Variants in TNIK observed in about 807,000 individuals in gnomAD.
TNIK encodes TRAF2 and NCK-interacting protein kinase.
A neutral mutation model predicts 191.3 loss-of-function variants in TNIK; 49 were observed. That is an observed-to-expected ratio of 0.26 (90% CI 0.20 to 0.32). The LOEUF is 0.32. TNIK is among the 10% of genes least tolerant of loss of function. TNIK has a pLI of 1.00. For synonymous variants in TNIK, 594 were observed against 600.9 expected (o/e 0.99, Z 0.17); for missense variants, 1,155 against 1,702.3 (o/e 0.68, Z 5.66).
At chr3:171,424,833 TG>T (rs1283151844) in intron 1 of TNIK, among the ~76,000 whole-genome samples, 2 of 74,802 alleles carry the variant, frequency 2.7e-5, no homozygotes, top group Non-Finnish European at 4.7e-5. Context: ...GGGACTGTTG[TG>T]GGGTGGGGGG....
chr3:171,119,555 A>T (rs959621432), intron 18 of TNIK, among the ~76,000 whole-genome samples: 8 of 152,232 alleles, frequency 5.3e-5, no homozygotes, highest in Non-Finnish European at 8.8e-5. Flanking sequence ...CAAATGTCCA[A>T]CAATGATAGA....
intron 4 of TNIK, among the ~76,000 whole-genome samples, chr3:171,199,266 A>G (rs1739118445): frequency 2.0e-5 from 3 of 151,808 alleles, no homozygotes; most frequent in East Asian, 1.9e-4. Flanking sequence ...CCACACAGCA[A>G]TGCTGATAAT....
chr3:171,340,462 G>T (rs1325666634), intron 2 of TNIK, among the ~76,000 whole-genome samples: 2 of 152,184 alleles, frequency 1.3e-5, no homozygotes, highest in Non-Finnish European at 2.9e-5. Flanking sequence ...GATGAGTGCA[G>T]TTTGAATTTT....
At chr3:171,346,740 G>A (rs1351230104) in intron 2 of TNIK, among the ~76,000 whole-genome samples, 2 of 152,022 alleles carry the variant, frequency 1.3e-5, no homozygotes, top group Admixed American at 6.6e-5. Context: ...GCAGGAATGT[G>A]CAAAGGTCTT....
chr3:171,088,232 T>TTTTTC (rs201000504), intron 23 of TNIK, among the ~76,000 whole-genome samples: 14,554 of 150,318 alleles, frequency 0.097, 786 homozygotes, highest in Middle Eastern at 0.16. Context: ...CCTTTAAAGG[T>TTTTTC]TTTTCTTTTT....
intron 2 of TNIK, among the ~76,000 whole-genome samples, chr3:171,233,030 T>C (rs1052326762): frequency 3.9e-5 from 6 of 152,206 alleles, no homozygotes; most frequent in Non-Finnish European, 8.8e-5. Flanking sequence ...TACTTTCATT[T>C]CTAGGTCACC....
rs16856276 is a variant in TNIK at position 171,398,692 on chromosome 3, C to T, written c.58-29007G>A. ...AGGAATGAAAGGATAACTGTCTATGCAGCCCCATCACCTGGTATGTCACTG... is the reference window on the plus strand; with the variant it reads ...AGGAATGAAAGGATAACTGTCTATGTAGCCCCATCACCTGGTATGTCACTG... On this transcript the variant is annotated intron_variant, in intron 1 of 32. Transcript: ENST00000436636. Among the ~76,000 whole-genome samples the T allele has an allele frequency of 3.2e-3, 486 of 152,308 alleles. 2 individuals are homozygous for T. Among genetic ancestry groups the T allele is most frequent in the African/African-American group, 0.011 (473 of 41,560 alleles).
At chr3:171,213,499 G>A (rs1741104496) in intron 3 of TNIK, among the ~76,000 whole-genome samples, 1 of 152,074 alleles carries the variant, frequency 6.6e-6, no homozygotes, top group African/African-American at 2.4e-5. Flanking sequence ...TTCTTAGCAG[G>A]ATAGTGGGTG....
At chr3:171,368,966 G>C (rs1716126363) in intron 2 of TNIK, among the ~76,000 whole-genome samples, 1 of 148,562 alleles carries the variant, frequency 6.7e-6, no homozygotes, top group Middle Eastern at 3.4e-3. Flanking sequence ...AATCAGAAAA[G>C]GAATCAACTC....
rs760269634 is a variant in TNIK at position 171,082,336 on chromosome 3, T to C, written c.3228A>G (p.Gln1076=). The C allele has an allele frequency of 8.7e-6, 14 of 1,613,780 alleles. No homozygotes were observed. Among genetic ancestry groups the C allele is most frequent in the Non-Finnish European group, 1.2e-5 (14 of 1,179,838 alleles). ...NGLMLLDRSG[Q]GKVYNLINRR... ...GGTTGATCAGATTATAGACTTTGCC[T>C]TGCCCACTTCGGTCCAAAAGCATCA... Residue 1076 remains glutamine (Q), a synonymous_variant, in exon 27 of 33, where the codon CAA becomes CAG. Coordinates refer to ENST00000436636, the MANE Select transcript of TNIK (RefSeq NM_015028.4).
intron 15 of TNIK, among the ~76,000 whole-genome samples, chr3:171,129,736 C>T (rs550740699): frequency 1.3e-5 from 2 of 152,330 alleles, no homozygotes; most frequent in East Asian, 3.9e-4. Flanking sequence ...ACGGGAAATG[C>T]TGAGCCAGTG....
At chr3:171,274,504 G>C (rs1193755441) in intron 2 of TNIK, among the ~76,000 whole-genome samples, 1 of 152,130 alleles carries the variant, frequency 6.6e-6, no homozygotes, top group African/African-American at 2.4e-5. Flanking sequence ...CCAGGAGGGG[G>C]AAGTTAAGAA....
At chr3:171,137,716 A>G (rs1160301131) in intron 15 of TNIK, among the ~76,000 whole-genome samples, 1 of 152,244 alleles carries the variant, frequency 6.6e-6, no homozygotes, top group Non-Finnish European at 1.5e-5. Flanking sequence ...TCTGAGGTCA[A>G]CTGTGCATCT....
intron 2 of TNIK, among the ~76,000 whole-genome samples, chr3:171,248,824 C>T (rs2058434101): frequency 6.6e-6 from 1 of 152,206 alleles, no homozygotes; most frequent in African/African-American, 2.4e-5. Context: ...AACATCACAG[C>T]TGGTTAATGG....
intron 2 of TNIK, among the ~76,000 whole-genome samples, chr3:171,287,827 G>A (rs1751181861): frequency 6.6e-6 from 1 of 152,142 alleles, no homozygotes; most frequent in South Asian, 2.1e-4. Context: ...AACCAGGCTA[G>A]TCATTTCAAA....
chr3:171,336,438 A>G (rs1756958030), intron 2 of TNIK, among the ~76,000 whole-genome samples: 1 of 152,114 alleles, frequency 6.6e-6, no homozygotes. Context: ...AGGGTCTACT[A>G]TATGCTGTTA....
chr3:171,108,683 G>C (rs1210143897), intron 19 of TNIK, among the ~76,000 whole-genome samples: 1 of 152,152 alleles, frequency 6.6e-6, no homozygotes, highest in Non-Finnish European at 1.5e-5. Flanking sequence ...AATCAGGATA[G>C]GTTATTTTGT....
At chr3:171,355,107 G>A (rs1473070442) in intron 2 of TNIK, among the ~76,000 whole-genome samples, 1 of 152,076 alleles carries the variant, frequency 6.6e-6, no homozygotes, top group Non-Finnish European at 1.5e-5. Context: ...AGCAAATCTT[G>A]TTCTGAGCAA....
chr3:171,072,948 G>A (rs904142503), intron 28 of TNIK, among the ~76,000 whole-genome samples: 8 of 151,948 alleles, frequency 5.3e-5, no homozygotes, highest in East Asian at 1.9e-4. Flanking sequence ...AAAACATCCC[G>A]TGCTCATGGA....
Sources: gnomAD v4.1 joint callset for allele counts (sites outside exome capture counted in the v4.1 genomes callset) on GRCh38, gnomAD v4.1.1 for gene constraint, MANE v1.5 for transcripts, NCBI Gene and HGNC (gene_info 2026-07-23, HGNC 2026-07-21) for gene names.